Variants in RSRC1 observed in about 807,000 individuals in gnomAD.
RSRC1 encodes serine/Arginine-related protein 53.
Under a neutral mutation model 49.1 loss-of-function variants are expected in RSRC1, and 39 were observed. That is an observed-to-expected ratio of 0.79 (90% CI 0.61 to 1.04). The LOEUF is 1.04. RSRC1 is among the 50% of genes least tolerant of loss of function. The pLI is 0.00. For synonymous variants in RSRC1, 143 were observed against 130.8 expected (o/e 1.09, Z -0.63); for missense variants, 388 against 402.4 (o/e 0.96, Z 0.31).
At chr3:158,492,804 A>G (rs1216974890) in intron 7 of RSRC1, among the ~76,000 whole-genome samples, 1 of 152,184 alleles carries the variant, frequency 6.6e-6, no homozygotes, top group Non-Finnish European at 1.5e-5. Context: ...CTTTACAACT[A>G]AGAATTTATT....
In RSRC1 at chr3:158,539,373, T is replaced by A. The variant is rs895583102; in HGVS notation, c.759+2175T>A. Among the ~76,000 whole-genome samples the A allele has an allele frequency of 6.6e-6, 1 of 152,096 alleles. No individual in the cohort carries two copies. The highest frequency in any genetic ancestry group is 1.5e-5 in the Non-Finnish European group (1 of 67,966). On this transcript the variant is annotated intron_variant, in intron 8 of 9. Transcript: ENST00000611884. This position sits in a 1 kb window ranked among gnomAD's most constrained non-coding sequence, Gnocchi z 4.1. ...CACATATTGATTTAACTAGTTTTAC[T>A]CTCTGAAATCGTATTTCTTTTGTCT...
chr3:158,435,297 G>T (rs1206454253), intron 6 of RSRC1, among the ~76,000 whole-genome samples: 1 of 151,504 alleles, frequency 6.6e-6, no homozygotes, highest in African/African-American at 2.4e-5. Flanking sequence ...TAAATTTCAA[G>T]GTCATGCTTT....
chr3:158,500,533 C>T (rs1343694733), intron 7 of RSRC1, among the ~76,000 whole-genome samples: 1 of 152,006 alleles, frequency 6.6e-6, no homozygotes, highest in Admixed American at 6.6e-5. Flanking sequence ...CCATTTCAAT[C>T]TCACTGCTCA....
At chr3:158,283,695 G>A (rs1726316611) in intron 4 of RSRC1, among the ~76,000 whole-genome samples, 1 of 152,082 alleles carries the variant, frequency 6.6e-6, no homozygotes, top group Admixed American at 6.6e-5. Context: ...TTGTGAATGT[G>A]TCATTGGGAT....
intron 3 of RSRC1, among the ~76,000 whole-genome samples, chr3:158,163,706 T>A (rs1236328960): frequency 6.6e-6 from 1 of 151,962 alleles, no homozygotes. Flanking sequence ...TTATAATAAT[T>A]GATAATTATG....
chr3:158,228,004 C>G (rs1268049216), intron 4 of RSRC1, among the ~76,000 whole-genome samples: 1 of 151,946 alleles, frequency 6.6e-6, no homozygotes, highest in Non-Finnish European at 1.5e-5. Flanking sequence ...GCTGATTGCA[C>G]CCACCTAAGT....
At chr3:158,477,167 A>G (rs1738403200) in intron 7 of RSRC1, among the ~76,000 whole-genome samples, 1 of 152,156 alleles carries the variant, frequency 6.6e-6, no homozygotes, top group Non-Finnish European at 1.5e-5. Flanking sequence ...GATGGAATCT[A>G]CTCCTGGTGA....
chr3:158,529,697 A>T (rs537775201), intron 7 of RSRC1, among the ~76,000 whole-genome samples: 1 of 152,118 alleles, frequency 6.6e-6, no homozygotes, highest in Non-Finnish European at 1.5e-5. Context: ...GAAAGGTATT[A>T]CATATATCGA....
In RSRC1 at chr3:158,280,803, C is replaced by T. The variant is rs370449712; in HGVS notation, c.495-17236C>T. 1.1e-4 allele frequency among the ~76,000 whole-genome samples: 17 copies of T among 151,992 alleles called. No homozygotes were observed. In the East Asian group the frequency reaches 1.4e-3, roughly 12 times the overall value. On this transcript the variant is annotated intron_variant, in intron 4 of 9. Transcript: ENST00000611884. ...CTGGGACTACAGGTGCATGCCACCA[C>T]GCCCTGCCAATTTTTTGTATTTTAG...
chr3:158,255,729 C>T (rs1219673962), intron 4 of RSRC1, among the ~76,000 whole-genome samples: 25 of 152,154 alleles, frequency 1.6e-4, no homozygotes, highest in Admixed American at 1.4e-3. Context: ...TCTTTTATTT[C>T]GTTGAGCAGT....
At chr3:158,350,125 GTTT>G (rs1730785194) in intron 5 of RSRC1, among the ~76,000 whole-genome samples, 1 of 143,454 alleles carries the variant, frequency 7.0e-6, no homozygotes, top group Non-Finnish European at 1.5e-5. Context: ...TTGGGTGTTG[GTTT>G]TTGTTTGTCT....
chr3:158,257,415 G>C (rs1231498134), intron 4 of RSRC1, among the ~76,000 whole-genome samples: 1 of 152,012 alleles, frequency 6.6e-6, no homozygotes, highest in Non-Finnish European at 1.5e-5. Context: ...CTTGTTTTAG[G>C]TTTTGTTTAG....
chr3:158,225,206 G>A (rs1722460698), intron 4 of RSRC1, among the ~76,000 whole-genome samples: 3 of 151,720 alleles, frequency 2.0e-5, no homozygotes. Context: ...ACCACCAGAG[G>A]TTAAGTGATA....
intron 6 of RSRC1, among the ~76,000 whole-genome samples, chr3:158,405,966 A>G (rs904026154): frequency 1.4e-4 from 21 of 152,140 alleles, no homozygotes; most frequent in Non-Finnish European, 2.6e-4. Context: ...CTGGAATTTT[A>G]CATGAAAATT....
chr3:158,494,589 CT>C (rs1739227874), intron 7 of RSRC1, among the ~76,000 whole-genome samples: 1 of 152,094 alleles, frequency 6.6e-6, no homozygotes, highest in Non-Finnish European at 1.5e-5. Context: ...AATTTTAAAA[CT>C]TTTTAGCTCT....
intron 6 of RSRC1, among the ~76,000 whole-genome samples, chr3:158,403,162 A>G (rs959447891): frequency 6.6e-6 from 1 of 151,858 alleles, no homozygotes; most frequent in Admixed American, 6.6e-5. Flanking sequence ...AATAACAGCA[A>G]TGGGTTTGCC....
At chr3:158,469,617 C>T (rs1738038567) in intron 7 of RSRC1, 1 of 153,728 alleles carries the variant, frequency 6.5e-6, no homozygotes, top group African/African-American at 2.4e-5. Context: ...GCTGGCAACA[C>T]TGTCTACCTG....
chr3:158,466,773 C>A (rs534495885), intron 7 of RSRC1, among the ~76,000 whole-genome samples: 2 of 152,240 alleles, frequency 1.3e-5, no homozygotes, highest in African/African-American at 4.8e-5. Flanking sequence ...ATTTTAAAAG[C>A]ACTTCAGGCC....
chr3:158,523,377 G>T (rs1711815850), intron 7 of RSRC1, among the ~76,000 whole-genome samples: 1 of 151,914 alleles, frequency 6.6e-6, no homozygotes, highest in African/African-American at 2.4e-5. Context: ...TATACTCCCT[G>T]TTTTAAGACT....
Sources: allele counts gnomAD v4.1 joint callset (sites outside exome capture counted in the v4.1 genomes callset), GRCh38; gene constraint gnomAD v4.1.1; non-coding constraint Gnocchi (gnomAD v3.1); transcripts MANE v1.5; gene names NCBI Gene and HGNC (gene_info 2026-07-23, HGNC 2026-07-21).